Variants in CCSER1 observed in about 807,000 individuals in gnomAD.
The protein encoded by CCSER1 is serine-rich coiled-coil domain-containing protein 1.
A neutral mutation model predicts 82.0 loss-of-function variants in CCSER1; 41 were observed. The ratio of observed to expected loss-of-function variants is 0.50; its 90% CI spans 0.39 to 0.65. The LOEUF (loss-of-function observed/expected upper bound fraction) is 0.65, where lower values mean the gene tolerates loss of function less well. CCSER1 is among the 30% of genes least tolerant of loss of function. CCSER1 has a pLI of 0.00. For synonymous variants in CCSER1, 414 were observed against 383.9 expected (o/e 1.08, Z -0.92); for missense variants, 1,119 against 1,064.2 (o/e 1.05, Z -0.72).
intron 10 of CCSER1, among the ~76,000 whole-genome samples, chr4:91,373,239 A>G (rs748607107): frequency 2.0e-5 from 3 of 152,082 alleles, no homozygotes; most frequent in Non-Finnish European, 4.4e-5. Flanking sequence ...CAGGATATGC[A>G]ATTATAGGCA....
At chr4:91,178,656 T>C (rs1581718027) in intron 10 of CCSER1, among the ~76,000 whole-genome samples, 1 of 152,190 alleles carries the variant, frequency 6.6e-6, no homozygotes, top group South Asian at 2.1e-4. Flanking sequence ...TTCCATTTGC[T>C]TGGTTGATCT....
rs1225453027 is a variant in CCSER1 at position 90,271,854 on chromosome 4, ATATATATATTTTTTTTTTTT to A, written c.-41-36388_-41-36369del. Among the ~76,000 whole-genome samples, 31 of 25,668 alleles carry A rather than the reference ATATATATATTTTTTTTTTTT, an allele frequency of 1.2e-3. 1 individual carries two copies. The highest frequency in any genetic ancestry group is 0.011 in the African/African-American group (31 of 2,932). The allele number at this position is 25,668 out of a possible 152,430, so 16.8% of individuals were successfully genotyped here. On this transcript the variant is annotated intron_variant, in intron 1 of 10. Transcript: ENST00000509176. ...TATATATATATATATATATATATAT[ATATATATATTTTTTTTTTTT>A]TTTTTTTTTTTTTTTTAAAAGGAGG...
chr4:90,546,118 G>A (rs60079300), intron 5 of CCSER1, among the ~76,000 whole-genome samples: 29,407 of 151,954 alleles, frequency 0.19, 3,277 homozygotes, highest in African/African-American at 0.3. Flanking sequence ...GGCTGAAATA[G>A]TTTGACAGCT....
chr4:90,517,679 T>C (rs1578920470), intron 5 of CCSER1, among the ~76,000 whole-genome samples: 1 of 152,076 alleles, frequency 6.6e-6, no homozygotes, highest in African/African-American at 2.4e-5. Flanking sequence ...TAAGAGTGCA[T>C]TGAGGGACTA....
At chr4:90,708,586 T>TA (rs1345874792) in intron 6 of CCSER1, among the ~76,000 whole-genome samples, 1 of 152,152 alleles carries the variant, frequency 6.6e-6, no homozygotes, top group Admixed American at 6.6e-5. Flanking sequence ...CTTTAATATG[T>TA]AAAAAAATCA....
At chr4:91,534,369 A>G (rs1761193231) in intron 10 of CCSER1, among the ~76,000 whole-genome samples, 1 of 151,970 alleles carries the variant, frequency 6.6e-6, no homozygotes, top group Admixed American at 6.6e-5. Flanking sequence ...TCTAAATTTA[A>G]TGTTCTTGGA....
intron 9 of CCSER1, among the ~76,000 whole-genome samples, chr4:91,032,638 C>G (rs1391428064): frequency 1.3e-5 from 2 of 152,128 alleles, no homozygotes; most frequent in African/African-American, 4.8e-5. Context: ...AAAGTAATAA[C>G]TGGATTTGAT....
At chr4:90,927,981 G>A (rs1342485115) in intron 9 of CCSER1, among the ~76,000 whole-genome samples, 1 of 151,928 alleles carries the variant, frequency 6.6e-6, no homozygotes, top group African/African-American at 2.4e-5. Flanking sequence ...CTAATATACT[G>A]TAGTTTATTA....
At chr4:91,310,022 G>A (rs560792127) in intron 10 of CCSER1, among the ~76,000 whole-genome samples, 5 of 151,928 alleles carry the variant, frequency 3.3e-5, no homozygotes, top group African/African-American at 9.6e-5. Flanking sequence ...AGTTACTTTG[G>A]CATGTGGCAG....
At chr4:90,225,231 A>ATTTTTTTTTT (rs57188209) in intron 1 of CCSER1, among the ~76,000 whole-genome samples, 3 of 111,870 alleles carry the variant, frequency 2.7e-5, no homozygotes, top group African/African-American at 6.8e-5. Flanking sequence ...TACCCGGCTA[A>ATTTTTTTTTT]TTTTTTTTTT....
chr4:91,431,836 T>G (rs1439545651), intron 10 of CCSER1, among the ~76,000 whole-genome samples: 1 of 152,222 alleles, frequency 6.6e-6, no homozygotes, highest in Non-Finnish European at 1.5e-5. Flanking sequence ...TAATTAAGGA[T>G]ATATGTTTTA....
intron 5 of CCSER1, among the ~76,000 whole-genome samples, chr4:90,596,904 G>T (rs541539257): frequency 2.6e-5 from 4 of 151,808 alleles, no homozygotes; most frequent in Admixed American, 6.6e-5. Context: ...GAATCATGGA[G>T]CTTGGATATT....
chr4:90,422,938 C>T (rs940574831), intron 4 of CCSER1, among the ~76,000 whole-genome samples: 2 of 152,238 alleles, frequency 1.3e-5, no homozygotes, highest in South Asian at 2.1e-4. Context: ...ATCAGCTTAT[C>T]GTTGTAAATT....
intron 6 of CCSER1, among the ~76,000 whole-genome samples, chr4:90,683,945 A>C (rs933996456): frequency 2.0e-5 from 3 of 152,114 alleles, no homozygotes; most frequent in African/African-American, 7.2e-5. Context: ...ACATATTTCT[A>C]AGCCTTCAGA....
At chr4:91,399,705 C>T (rs893604641) in intron 10 of CCSER1, among the ~76,000 whole-genome samples, 1 of 151,806 alleles carries the variant, frequency 6.6e-6, no homozygotes, top group African/African-American at 2.4e-5. Context: ...TCTTTTGTAG[C>T]CTTAGTTTTA....
intron 10 of CCSER1, among the ~76,000 whole-genome samples, chr4:91,194,181 G>C (rs933254952): frequency 6.6e-6 from 1 of 152,104 alleles, no homozygotes; most frequent in South Asian, 2.1e-4. Flanking sequence ...CATGGCTCAG[G>C]CTTGTCTCGA....
In CCSER1 at chr4:90,628,125, G is replaced by T; in HGVS notation, c.1825G>T (p.Gly609Cys). ...NSPSADWPLQGVEENGGIDSL... is the reference protein window; with the variant it reads ...NSPSADWPLQCVEENGGIDSL... ...TCCATCTGCGGATTGGCCTCTACAA[G>T]GTGTGGAAGAAAACGGAGGCATAGA... Residue 609 changes from glycine to cysteine, a missense_variant, in exon 6 of 11, where the codon GGT becomes TGT. By Grantham distance (159) the Gly-to-Cys change is radical. Coordinates refer to ENST00000509176, the MANE Select transcript of CCSER1 (RefSeq NM_001145065.2). 3.1e-6 allele frequency: 5 copies of T among 1,613,746 alleles called. No individual in the cohort carries two copies. Among genetic ancestry groups the T allele is most frequent in the Non-Finnish European group, 4.2e-6 (5 of 1,179,748 alleles).
chr4:91,543,487 G>A (rs1357118939), intron 10 of CCSER1, among the ~76,000 whole-genome samples: 2 of 152,142 alleles, frequency 1.3e-5, no homozygotes, highest in Non-Finnish European at 2.9e-5. Flanking sequence ...GCTCTTGTAA[G>A]GCTGGCCTGG....
At chr4:90,436,627 C>T (rs1163451207) in intron 4 of CCSER1, among the ~76,000 whole-genome samples, 4 of 151,794 alleles carry the variant, frequency 2.6e-5, no homozygotes, top group Non-Finnish European at 5.9e-5. Context: ...TATAAGAATC[C>T]GATTTTCTTT....
Sources: allele counts gnomAD v4.1 joint callset (sites outside exome capture counted in the v4.1 genomes callset), GRCh38; gene constraint gnomAD v4.1.1; transcripts MANE v1.5; gene names NCBI Gene and HGNC (gene_info 2026-07-23, HGNC 2026-07-21).